The following RALGAPA1 variants were observed in gnomAD, a reference collection of about 807,000 sequenced individuals.
RALGAPA1 encodes ral GTPase-activating protein subunit alpha-1.
Under a neutral mutation model 269.6 loss-of-function variants are expected in RALGAPA1, and 52 were observed. That is an observed-to-expected ratio of 0.19 (90% CI 0.15 to 0.24). RALGAPA1 has a LOEUF of 0.24. Among genes scored for constraint, RALGAPA1 ranks in the 10% least tolerant of loss-of-function variants. RALGAPA1 has a pLI of 1.00. For synonymous variants in RALGAPA1, 817 were observed against 1,008.3 expected, an observed-to-expected ratio of 0.81 and a Z score of 3.60; for missense variants, 1,917 against 3,013.9, an observed-to-expected ratio of 0.64 and a Z score of 8.52.
At chr14:35,761,205 C>G (rs1239091116) in intron 5 of RALGAPA1, among the ~76,000 whole-genome samples, 199 bp from the exon 6 acceptor site, 5 of 152,098 alleles carry the variant, frequency 3.3e-5, no homozygotes, top group Admixed American at 6.6e-5. Flanking sequence ...GGATTTTTAA[C>G]AAGTATAGAA....
rs933665664 is a variant in RALGAPA1, at chr14:35,682,640, G to A, written c.4471+1169C>T. Among the ~76,000 whole-genome samples, 14 of 152,042 alleles carry A rather than the reference G, an allele frequency of 9.2e-5. 1 individual carries two copies. The South Asian group carries it at 1.4e-3, about 16-fold the overall frequency. The stretch of plus-strand genomic sequence containing the variant: ...TTTAACTTGAACAATTTCAGTATGC[G>A]TAGTAGGGTCTCATTGTAGTTTTTA... On this transcript the variant is annotated intron_variant, in intron 21 of 41. Coordinates refer to ENST00000680220, the MANE Select transcript of RALGAPA1 (RefSeq NM_001346249.2).
intron 16 of RALGAPA1, among the ~76,000 whole-genome samples, chr14:35,705,341 C>T (rs993296651): frequency 2.6e-5 from 4 of 152,072 alleles, no homozygotes; most frequent in Non-Finnish European, 5.9e-5. Flanking sequence ...TAGCCCCACC[C>T]CCCTATTCCT....
chr14:35,798,205 A>G (rs934046451), intron 1 of RALGAPA1, among the ~76,000 whole-genome samples: 1 of 141,410 alleles, frequency 7.1e-6, no homozygotes, highest in African/African-American at 2.7e-5. Flanking sequence ...CCGGTCTTGG[A>G]CTGTCGCCCA....
At chr14:35,702,358 T>C (rs2067422816) in intron 16 of RALGAPA1, among the ~76,000 whole-genome samples, 1 of 152,206 alleles carries the variant, frequency 6.6e-6, no homozygotes, top group Admixed American at 6.5e-5. Context: ...TTAAGGATTC[T>C]TTAAGAACAA....
At chr14:35,640,336 T>C (rs773974827) in intron 31 of RALGAPA1, among the ~76,000 whole-genome samples, 9 of 151,808 alleles carry the variant, frequency 5.9e-5, no homozygotes, top group Admixed American at 3.3e-4. Context: ...AAAGATAAAA[T>C]TGACAAACCT....
At chr14:35,766,757 G>C (rs1282853981) in intron 4 of RALGAPA1, 1 of 525,302 alleles carries the variant, frequency 1.9e-6, no homozygotes, top group East Asian at 5.2e-5. Context: ...ATGATTTTGT[G>C]AATGCTTTTA....
At position 35,750,490 on chromosome 14, in the gene RALGAPA1, T is replaced by C; in HGVS notation, c.1003A>G (p.Asn335Asp). 1.2e-6 allele frequency: 2 copies of C among 1,612,668 alleles called. No homozygotes were observed. The highest frequency in any genetic ancestry group is 8.5e-7 in the Non-Finnish European group (1 of 1,179,110). Residue 335 changes from asparagine to aspartate, a missense_variant, in exon 9 of 42, where the codon AAT becomes GAT. Transcript: ENST00000680220. ...PGMEGEVLPK[N>D]IQRAAASLVS... ...CCTCATTTGTGCATTACCTGAATAT[T>C]CTTTGGCAAGACTTCACCTTCCATC...
intron 26 of RALGAPA1, among the ~76,000 whole-genome samples, 178 bp from the exon 27 acceptor site, chr14:35,664,945 T>A (rs960466167): frequency 6.6e-6 from 1 of 152,206 alleles, no homozygotes; most frequent in Non-Finnish European, 1.5e-5. Flanking sequence ...CATAAACTAC[T>A]GTTATTGTTA....
rs538571108 is a variant in RALGAPA1 at position 35,574,901 on chromosome 14, C to A, written c.7210-2183G>T. 8.6e-5 allele frequency among the ~76,000 whole-genome samples: 13 copies of A among 152,000 alleles called. No homozygotes were observed. The South Asian group carries it at 2.5e-3, about 29-fold the overall frequency. On this transcript the variant is annotated intron_variant, in intron 37 of 41. Transcript: ENST00000680220. ...GAGCACTCTGGGAGGCTAAGGCGGGCGAATCACCTGAGGTCAGGAGTTTTG... is the reference window on the plus strand; with the variant it reads ...GAGCACTCTGGGAGGCTAAGGCGGGAGAATCACCTGAGGTCAGGAGTTTTG...
chr14:35,715,944 T>C lies in RALGAPA1; in HGVS notation c.2266+5744A>G, dbSNP rs1354410665. On this transcript the variant is annotated intron_variant, in intron 16 of 41. Transcript: ENST00000680220. ...AGAAGAGTCTTAGAGGTTTCTCTATTTGCAAACCAGTGGTACGACGAAATG... is the reference window on the plus strand; with the variant it reads ...AGAAGAGTCTTAGAGGTTTCTCTATCTGCAAACCAGTGGTACGACGAAATG... The C allele has an allele frequency of 3.0e-6, 3 of 985,248 alleles. No homozygotes were observed. The African/African-American group carries it at 5.2e-5, about 17-fold the overall frequency. 61.0% of individuals were successfully genotyped at this position (985,248 alleles called of 1,614,324 possible). A position where few individuals can be genotyped will look rare whatever the true frequency, so the allele number is the denominator to read the frequency against.
intron 17 of RALGAPA1, among the ~76,000 whole-genome samples, chr14:35,698,309 T>C (rs369651017): frequency 7.2e-5 from 11 of 152,314 alleles, no homozygotes; most frequent in Admixed American, 2.6e-4. Flanking sequence ...CTTCTCATCC[T>C]GGGTATGGCA....
chr14:35,738,771 A>G (rs2071277142), intron 11 of RALGAPA1, 121 bp from the exon 12 acceptor site: 1 of 701,382 alleles, frequency 1.4e-6, no homozygotes, highest in Admixed American at 3.1e-5. Context: ...TTTCTCTCAA[A>G]ATAGATGATG....
At chr14:35,563,226 A>C (rs2139334996) in intron 39 of RALGAPA1, among the ~76,000 whole-genome samples, 1 of 152,200 alleles carries the variant, frequency 6.6e-6, no homozygotes, top group Non-Finnish European at 1.5e-5. Context: ...CTATAACAAA[A>C]TGTTTTGAGG....
chr14:35,778,114 G>A (rs1364139110), intron 1 of RALGAPA1, among the ~76,000 whole-genome samples: 1 of 152,122 alleles, frequency 6.6e-6, no homozygotes, highest in Non-Finnish European at 1.5e-5. Context: ...AGGCTAGAGT[G>A]CTGTGGCATG....
intron 5 of RALGAPA1, 130 bp from the exon 6 acceptor site, chr14:35,761,136 A>G (rs1595461740): frequency 1.7e-6 from 1 of 588,348 alleles, no homozygotes. Flanking sequence ...AAGGAAGGGG[A>G]AGTTGAGGAG....
chr14:35,798,610 ATTTT>A (rs1567255887), intron 1 of RALGAPA1, among the ~76,000 whole-genome samples: 1 of 152,198 alleles, frequency 6.6e-6, no homozygotes, highest in African/African-American at 2.4e-5. Context: ...ATCCAAAAAC[ATTTT>A]TTTAAGAATC....
chr14:35,756,591 A>G (rs1329382963), intron 7 of RALGAPA1: 4 of 342,458 alleles, frequency 1.2e-5, no homozygotes, highest in Admixed American at 9.3e-5. Flanking sequence ...ATCCCCTACC[A>G]CCATCACTTG....
intron 17 of RALGAPA1, among the ~76,000 whole-genome samples, chr14:35,693,310 T>C (rs1045172895): frequency 1.3e-5 from 2 of 151,756 alleles, no homozygotes; most frequent in Admixed American, 6.6e-5. Context: ...AAAATCTAAC[T>C]AAAACAAATG....
intron 37 of RALGAPA1, among the ~76,000 whole-genome samples, chr14:35,577,730 A>C (rs1229535994): frequency 1.3e-5 from 2 of 152,172 alleles, no homozygotes; most frequent in African/African-American, 4.8e-5. Flanking sequence ...GCTGGAGACT[A>C]GAATTCTTAT....
Sources: allele counts gnomAD v4.1 joint callset (sites outside exome capture counted in the v4.1 genomes callset), GRCh38; gene constraint gnomAD v4.1.1; transcripts MANE v1.5; gene names NCBI Gene and HGNC (gene_info 2026-07-23, HGNC 2026-07-21).